ACAP2: variants seen among roughly 807,000 people sequenced by gnomAD.
The protein encoded by ACAP2 is ArfGAP with coiled-coil, ankyrin repeat and PH domains 2.
A neutral mutation model predicts 115.8 loss-of-function variants in ACAP2; 39 were observed. That is an observed-to-expected ratio of 0.34 (90% CI 0.26 to 0.44). The LOEUF (loss-of-function observed/expected upper bound fraction) is 0.44. Ranked by LOEUF, ACAP2 falls within the 20% of genes least tolerant of loss-of-function variation. ACAP2 has a pLI of 1.00. For synonymous variants in ACAP2, 289 were observed against 315.8 expected, an observed-to-expected ratio of 0.92 and a Z score of 0.90; for missense variants, 662 against 927.6, an observed-to-expected ratio of 0.71 and a Z score of 3.72.
intron 4 of ACAP2, among the ~76,000 whole-genome samples, chr3:195,375,953 G>A (rs1339744315): frequency 6.6e-6 from 1 of 151,994 alleles, no homozygotes; most frequent in Non-Finnish European, 1.5e-5. Flanking sequence ...CAGCAAATTA[G>A]AATCCAAAAG....
chr3:195,435,652 T>C (rs1715479333), intron 1 of ACAP2, among the ~76,000 whole-genome samples: 1 of 152,252 alleles, frequency 6.6e-6, no homozygotes, highest in Non-Finnish European at 1.5e-5. Context: ...TACATATTTG[T>C]GAATTTTTCA....
intron 1 of ACAP2, among the ~76,000 whole-genome samples, chr3:195,399,589 G>GA (rs929177024): frequency 4.0e-4 from 58 of 144,028 alleles, no homozygotes; most frequent in African/African-American, 6.4e-4. Flanking sequence ...TCCCAGTGGG[G>GA]AAAAAAAAAA....
At position 195,308,807 on chromosome 3, in the gene ACAP2, C is replaced by T; in HGVS notation, c.888G>A (p.Leu296=). The T allele has an allele frequency of 1.2e-6, 2 of 1,608,756 alleles. No individual in the cohort carries two copies. The highest frequency in any genetic ancestry group is 8.5e-7 in the Non-Finnish European group (1 of 1,178,350). Residue 296 remains leucine (L), a synonymous_variant, in exon 11 of 23, where the codon TTG becomes TTA. Coordinates refer to ENST00000326793, the MANE Select transcript of ACAP2 (RefSeq NM_012287.6). ...CTACCTTAAATTTTTTCTGGTAAAC[C>T]AACTGATTATTCTGTATTGAAAACC... ...RRWFSIQNNQ[L]VYQKKFKDNP...
chr3:195,319,091 A>T (rs1465186670), intron 10 of ACAP2, among the ~76,000 whole-genome samples: 1 of 152,244 alleles, frequency 6.6e-6, no homozygotes, highest in East Asian at 1.9e-4. Flanking sequence ...CCACTGCTTC[A>T]GAGTGGGCAA....
rs754114645 is a variant in ACAP2 at position 195,289,139 on chromosome 3, T to A, written c.2156A>T (p.Asn719Ile). 1 of 1,610,636 alleles carries A rather than the reference T, an allele frequency of 6.2e-7. No homozygotes were observed. Among genetic ancestry groups the A allele is most frequent in the African/African-American group, 1.3e-5 (1 of 74,710 alleles). Reference sequence around the variant, plus strand: ...TACTTACAAGGTGACTATATCAGCATTGGCTGCTTCCACAGCTATGCTCAA... The same window carrying A: ...TACTTACAAGGTGACTATATCAGCAATGGCTGCTTCCACAGCTATGCTCAA... ...DPLSIAVEAA[N>I]ADIVTLLRLA... is the part of the protein sequence containing the mutation. The change falls in exon 21 of 23, where the codon AAT becomes ATT. Residue 719 changes from asparagine to isoleucine, a missense_variant. By Grantham distance (149) the Asn-to-Ile change is moderately radical (BLOSUM62 -3). Transcript: ENST00000326793.
At chr3:195,370,917 A>G (rs900447112) in intron 4 of ACAP2, among the ~76,000 whole-genome samples, 36 of 146,296 alleles carry the variant, frequency 2.5e-4, no homozygotes, top group Non-Finnish European at 3.6e-4. Context: ...GTGCCATTGC[A>G]CTCCAGTCTG....
chr3:195,287,749 G>T (rs146113921), intron 21 of ACAP2, among the ~76,000 whole-genome samples: 1 of 152,104 alleles, frequency 6.6e-6, no homozygotes, highest in Admixed American at 6.5e-5. Flanking sequence ...CGAGGTAGTA[G>T]AATAATTATC....
intron 1 of ACAP2, among the ~76,000 whole-genome samples, chr3:195,425,271 C>CTTTG: frequency 6.6e-6 from 1 of 152,082 alleles, no homozygotes; most frequent in African/African-American, 2.4e-5. Context: ...TCTGGACTGA[C>CTTTG]TTAGTTACTA....
chr3:195,285,713 T>C, intron 22 of ACAP2, 83 bp downstream of exon 22: 3 of 1,153,020 alleles, frequency 2.6e-6, no homozygotes, highest in East Asian at 2.4e-5. Context: ...TAAAGAACTA[T>C]GAATCTTCCA....
rs569083197 is a variant in ACAP2, at chr3:195,364,744, G to A, written c.285+16265C>T. ...GATTCCTGAGAAAACTAAAAATGGA[G>A]CTACCATACCATCCAGCAATCCTAC... On this transcript the variant is annotated intron_variant, in intron 4 of 22. Transcript: ENST00000326793. 3.9e-5 allele frequency among the ~76,000 whole-genome samples: 6 copies of A among 152,184 alleles called. No homozygotes were observed. The East Asian group carries it at 5.8e-4, about 15-fold the overall frequency.
chr3:195,432,279 A>T (rs1715186536), intron 1 of ACAP2, among the ~76,000 whole-genome samples: 1 of 152,208 alleles, frequency 6.6e-6, no homozygotes, highest in Non-Finnish European at 1.5e-5. Flanking sequence ...CAAGGTCACA[A>T]AGATTTAATT....
At chr3:195,306,815 T>C in intron 12 of ACAP2, 199 bp from the exon 13 acceptor site, 1 of 425,284 alleles carries the variant, frequency 2.4e-6, no homozygotes, top group Non-Finnish European at 4.1e-6. Flanking sequence ...ATGAAACAAA[T>C]TATCTCTTAA....
chr3:195,362,413 C>G (rs1383403966), intron 4 of ACAP2, among the ~76,000 whole-genome samples: 5 of 151,588 alleles, frequency 3.3e-5, no homozygotes, highest in African/African-American at 1.2e-4. Context: ...ACATCTAATA[C>G]CAATCCTACT....
At chr3:195,366,374 T>C (rs1732723906) in intron 4 of ACAP2, among the ~76,000 whole-genome samples, 1 of 152,244 alleles carries the variant, frequency 6.6e-6, no homozygotes, top group African/African-American at 2.4e-5. Flanking sequence ...GTTCTCAAAT[T>C]GGTTGCACAT....
chr3:195,362,859 TG>T (rs1206820987), intron 4 of ACAP2, among the ~76,000 whole-genome samples: 2 of 152,128 alleles, frequency 1.3e-5, no homozygotes, highest in African/African-American at 4.8e-5. Context: ...TAATAGTGAA[TG>T]GGGAAAAACT....
At chr3:195,282,027 T>C (rs544121243) in intron 22 of ACAP2, 2 of 152,158 alleles carry the variant, frequency 1.3e-5, no homozygotes, top group Admixed American at 1.3e-4. Context: ...CAAGAAGAAA[T>C]AGGAAGAAGG....
intron 21 of ACAP2, 134 bp downstream of exon 21, chr3:195,288,985 TAC>T: frequency 1.7e-6 from 1 of 600,950 alleles, no homozygotes; most frequent in South Asian, 2.4e-5. Flanking sequence ...TGTAAATACA[TAC>T]CATTTTATAT....
At chr3:195,325,298 C>A in intron 9 of ACAP2, 2 of 398,744 alleles carry the variant, frequency 5.0e-6, no homozygotes, top group Admixed American at 6.9e-5. Context: ...AATGCGTGCA[C>A]GTATCTGCAC....
In ACAP2 at chr3:195,385,795, T is replaced by C. The variant is rs1445738420; in HGVS notation, c.112-3773A>G. 2.0e-5 allele frequency among the ~76,000 whole-genome samples: 3 copies of C among 152,160 alleles called. 1 individual carries two copies. The highest frequency in any genetic ancestry group is 4.4e-5 in the Non-Finnish European group (3 of 68,014). On this transcript the variant is annotated intron_variant, in intron 2 of 22. Transcript: ENST00000326793. ...CACCAAACAGTTGTGTAACTTCCCC[T>C]GTAGGGTTTTATAGGCCAGATACGG... is the stretch of plus-strand genomic sequence containing the variant.
Sources: gnomAD v4.1 joint callset for allele counts (sites outside exome capture counted in the v4.1 genomes callset) on GRCh38, gnomAD v4.1.1 for gene constraint, MANE v1.5 for transcripts, NCBI Gene and HGNC (gene_info 2026-07-23, HGNC 2026-07-21) for gene names.